PLPPR3: variants seen among roughly 807,000 people sequenced by gnomAD.
PLPPR3 encodes phospholipid phosphatase related 3, also known as phospholipid phosphatase-related protein type 3.
In PLPPR3, 14 loss-of-function variants were observed where a neutral mutation model predicts 27.3. The ratio of observed to expected loss-of-function variants is 0.51; its 90% confidence interval spans 0.34 to 0.80. The LOEUF is 0.80. Ranked by LOEUF, PLPPR3 falls within the 30% of genes least tolerant of loss-of-function variation. PLPPR3 has a pLI of 0.01. For synonymous variants in PLPPR3, 671 were observed against 508.0 expected, an observed-to-expected ratio of 1.32 and a Z score of -4.32; for missense variants, 1,287 against 1,056.9, an observed-to-expected ratio of 1.22 and a Z score of -3.02.
chr19:812,987 G>A lies in PLPPR3; in HGVS notation c.1740C>T (p.Ile580=). The change falls in exon 8 of 8, where the codon ATC becomes ATT. Residue 580 remains isoleucine (I), a synonymous_variant. Transcript: ENST00000520876. Reference sequence around the variant, plus strand: ...GCGGCGCGTGCGCGTCGATGGTCACGATGCTGGCGGAGTCGCGGTCCGACG... The same window carrying A: ...GCGGCGCGTGCGCGTCGATGGTCACAATGCTGGCGGAGTCGCGGTCCGACG... ...RSPSDRDSAS[I]VTIDAHAPHH... is the part of the protein sequence containing the mutation. The A allele has an allele frequency of 1.3e-6, 2 of 1,507,916 alleles. No homozygotes were observed. Among genetic ancestry groups the A allele is most frequent in the African/African-American group, 1.5e-5 (1 of 68,962 alleles). 93.4% of individuals were successfully genotyped at this position (1,507,916 alleles called of 1,614,324 possible).
At position 815,813 on chromosome 19, in the gene PLPPR3, G is replaced by A. The variant is rs775968619; in HGVS notation, c.114C>T (p.Phe38=). ...IVASSIVSLY[F]LELTDLFKPA... ...GCTTGAAGAGGTCGGTCAGCTCCAG[G>A]AAGTACAAGGATACGATGGAAGAAG... The change falls in exon 3 of 8, where the codon TTC becomes TTT. Residue 38 remains phenylalanine, a synonymous_variant. Coordinates refer to ENST00000520876, the MANE Select transcript of PLPPR3 (RefSeq NM_001270366.2). The A allele has an allele frequency of 2.5e-6, 4 of 1,612,794 alleles. No homozygotes were observed. The highest frequency in any genetic ancestry group is 2.2e-5 in the East Asian group (1 of 44,882).
chr19:813,833 G>GGGGGCC lies in PLPPR3; in HGVS notation c.888_893dup (p.Pro298_Ala299dup), dbSNP rs1469040766. 6.7e-6 allele frequency: 10 copies of GGGGGCC among 1,485,720 alleles called. No homozygotes were observed. The highest frequency in any genetic ancestry group is 2.6e-5 in the East Asian group (1 of 39,054). 92.0% of individuals were successfully genotyped at this position (1,485,720 alleles called of 1,614,324 possible). On this transcript the variant is annotated inframe_insertion, in exon 8 of 8. Transcript: ENST00000520876. This position sits in a 1 kb window ranked among gnomAD's most constrained non-coding sequence, Gnocchi z 4.1. Reference sequence around the variant, plus strand: ...TCAGGGCCCGCAGCGCGTCCTTGGCGGGGGCCGGGGCCGCGGGCTTCTCTG... The same window carrying GGGGGCC: ...TCAGGGCCCGCAGCGCGTCCTTGGCGGGGGCCGGGGCCGGGGCCGCGGGCTTCTCTG...
chr19:813,556 G>T lies in PLPPR3; in HGVS notation c.1171C>A (p.Arg391Ser). 6.4e-7 allele frequency: 1 copy of T among 1,560,016 alleles called. No individual in the cohort carries two copies. The highest frequency in any genetic ancestry group is 8.7e-7 in the Non-Finnish European group (1 of 1,154,378). Residue 391 changes from arginine (R) to serine (S), a missense_variant, in exon 8 of 8, where the codon CGC becomes AGC. Coordinates refer to ENST00000520876, the MANE Select transcript of PLPPR3 (RefSeq NM_001270366.2). The surrounding 1 kb of genome is among the most constrained non-coding windows in gnomAD (Gnocchi z 4.1). ...AGCGGCACGTGGATGGTCATGTGGC[G>T]GCGCGCGGGGTCGTCCAGCGAGGGC... The part of the protein sequence containing the change: ...SAPSLDDPAR[R>S]HMTIHVPLDA...
Position 813,577 on chromosome 19 carries a change from A to G in PLPPR3, c.1150T>C (p.Ser384Pro), listed in dbSNP as rs752722155. 11 of 1,555,932 alleles carry G rather than the reference A, an allele frequency of 7.1e-6. No individual in the cohort carries two copies. The East Asian group carries it at 2.6e-4, about 37-fold the overall frequency. Reference sequence around the variant, plus strand: ...TGGCGGCGCGCGGGGTCGTCCAGCGAGGGCGCGCTGGCCCTGGGCAGCGTG... The same window carrying G: ...TGGCGGCGCGCGGGGTCGTCCAGCGGGGGCGCGCTGGCCCTGGGCAGCGTG... ...SHTLPRASAP[S>P]LDDPARRHMT... Residue 384 changes from serine to proline, a missense_variant, in exon 8 of 8, where the codon TCG (serine) becomes CCG (proline). Coordinates refer to ENST00000520876, the MANE Select transcript of PLPPR3 (RefSeq NM_001270366.2). This position sits in a 1 kb window ranked among gnomAD's most constrained non-coding sequence, Gnocchi z 4.1.
At chr19:816,323 A>C in intron 2 of PLPPR3, among the ~76,000 whole-genome samples, 1 of 128,068 alleles carries the variant, frequency 7.8e-6, no homozygotes, top group Non-Finnish European at 1.6e-5. Context: ...CCAACTGTCC[A>C]TCCATCCACC....
intron 2 of PLPPR3, among the ~76,000 whole-genome samples, chr19:819,225 TC>T (rs948038658): frequency 1.3e-5 from 1 of 77,062 alleles, no homozygotes; most frequent in African/African-American, 6.9e-5. Context: ...GATCTGCCCG[TC>T]CCGGCCTCCC....
chr19:823,257 C>T (rs914102780), upstream of PLPPR3, among the ~76,000 whole-genome samples: 2 of 151,948 alleles, frequency 1.3e-5, no homozygotes, highest in African/African-American at 4.8e-5. Flanking sequence ...GCCTGGCCAA[C>T]ATGGTGAAAC....
At chr19:819,668 G>A (rs539497712) in intron 2 of PLPPR3, among the ~76,000 whole-genome samples, 1 of 152,252 alleles carries the variant, frequency 6.6e-6, no homozygotes, top group East Asian at 1.9e-4. Context: ...ATGATATTGT[G>A]TTTGGGAGGG....
At chr19:818,121 GC>G (rs1172172604) in intron 2 of PLPPR3, among the ~76,000 whole-genome samples, 2 of 152,090 alleles carry the variant, frequency 1.3e-5, no homozygotes, top group African/African-American at 4.8e-5. Context: ...GGTGGCTCAC[GC>G]CTGTCATCCC....
chr19:820,496 G>A (rs567695248), intron 2 of PLPPR3, among the ~76,000 whole-genome samples: 11 of 140,496 alleles, frequency 7.8e-5, no homozygotes, highest in African/African-American at 3.1e-4. Flanking sequence ...ACAGGGCAGG[G>A]GGCTCCATTT....
chr19:813,545 G>C lies in PLPPR3; in HGVS notation c.1182C>G (p.Thr394=). 1 of 1,562,584 alleles carries C rather than the reference G, an allele frequency of 6.4e-7. No homozygotes were observed. Among genetic ancestry groups the C allele is most frequent in the South Asian group, 1.2e-5 (1 of 85,464 alleles). Reference sequence around the variant, plus strand: ...GCGAGGCGTCCAGCGGCACGTGGATGGTCATGTGGCGGCGCGCGGGGTCGT... The same window carrying C: ...GCGAGGCGTCCAGCGGCACGTGGATCGTCATGTGGCGGCGCGCGGGGTCGT... ...SLDDPARRHM[T]IHVPLDASRS... is the part of the protein sequence containing the mutation. Residue 394 remains threonine, a synonymous_variant, in exon 8 of 8, where the codon ACC becomes ACG. Transcript: ENST00000520876. The surrounding 1 kb of genome is among the most constrained non-coding windows in gnomAD (Gnocchi z 4.1).
intron 2 of PLPPR3, among the ~76,000 whole-genome samples, chr19:818,284 A>G (rs8108446): frequency 0.6 from 91,540 of 151,824 alleles, 29,910 homozygotes; most frequent in African/African-American, 0.87. Context: ...TCCGGAGGCT[A>G]AGGTGGGAGA....
Position 814,984 on chromosome 19 carries a change from C to T in PLPPR3, c.501G>A (p.Lys167=). ...YHTPFFLTVC[K]PNYTLLGTSC... Reference sequence around the variant, plus strand: ...ACGTGCCCAGGAGAGTGTAGTTGGGCTTGCAGACGGTGAGGAAGAAGGGAG... The same window carrying T: ...ACGTGCCCAGGAGAGTGTAGTTGGGTTTGCAGACGGTGAGGAAGAAGGGAG... The change falls in exon 5 of 8, where the codon AAG becomes AAA. Residue 167 remains lysine (K), a synonymous_variant. Coordinates refer to ENST00000520876, the MANE Select transcript of PLPPR3 (RefSeq NM_001270366.2). 2 of 1,612,504 alleles carry T rather than the reference C, an allele frequency of 1.2e-6. No individual in the cohort carries two copies. Among genetic ancestry groups the T allele is most frequent in the Non-Finnish European group, 1.7e-6 (2 of 1,179,954 alleles).
intron 2 of PLPPR3, among the ~76,000 whole-genome samples, chr19:816,768 TCCATCCACCCATTCTCCAC>T (rs1568285954): frequency 6.9e-6 from 1 of 145,164 alleles, no homozygotes; most frequent in Admixed American, 6.8e-5. Flanking sequence ...CCACCCATCA[TCCATCCACCCATTCTCCAC>T]CCATGCACCC....
In PLPPR3 at chr19:815,305, A is replaced by G. The variant is rs2035034174; in HGVS notation, c.284T>C (p.Leu95Ser). The G allele has an allele frequency of 1.9e-6, 3 of 1,546,996 alleles. No homozygotes were observed. Among genetic ancestry groups the G allele is most frequent in the African/African-American group, 1.4e-5 (1 of 72,988 alleles). The stretch of plus-strand genomic sequence containing the variant: ...CCACAGCCGGGACTGCAGACAGTAC[A>G]ACATGCCCTCGGCCACCATGATCTG... ...AASIMVAEGM[L>S]YCLQSRLWGR... The change falls in exon 4 of 8, where the codon TTG becomes TCG. Residue 95 changes from leucine (L) to serine (S), a missense_variant. Leu to Ser is a moderately radical substitution (Grantham distance 145). Coordinates refer to ENST00000520876, the MANE Select transcript of PLPPR3 (RefSeq NM_001270366.2).
rs1489308427 is a variant in PLPPR3, at chr19:814,605, C to T, written c.660G>A (p.Met220Ile). Residue 220 changes from methionine to isoleucine, a missense_variant and splice_region_variant, in exon 7 of 8, where the codon ATG (methionine) becomes ATA (isoleucine). By Grantham distance (10) the Met-to-Ile change is conservative. Transcript: ENST00000520876. ...LSAFAAVYVS[M>I]YFNSVISDTT... ...TGTCCGAGATGACCGAGTTGAAGTA[C>T]ATCTGGGGCATGGGGGTTGGGGTCA... 2 of 1,611,912 alleles carry T rather than the reference C, an allele frequency of 1.2e-6. No homozygotes were observed. The highest frequency in any genetic ancestry group is 1.1e-5 in the South Asian group (1 of 91,084).
At position 814,614 on chromosome 19, in the gene PLPPR3, C is replaced by G. The variant is rs1187163044; in HGVS notation, c.658-7G>C. 6.2e-7 allele frequency: 1 copy of G among 1,611,596 alleles called. No individual in the cohort carries two copies. Among genetic ancestry groups the G allele is most frequent in the Non-Finnish European group, 8.5e-7 (1 of 1,179,976 alleles). On this transcript the variant is annotated splice_region_variant and splice_polypyrimidine_tract_variant and intron_variant, in intron 6 of 7. Coordinates refer to ENST00000520876, the MANE Select transcript of PLPPR3 (RefSeq NM_001270366.2). Reference sequence around the variant, plus strand: ...TGACCGAGTTGAAGTACATCTGGGGCATGGGGGTTGGGGTCAGGGAGGGCT... The same window carrying G: ...TGACCGAGTTGAAGTACATCTGGGGGATGGGGGTTGGGGTCAGGGAGGGCT...
intron 2 of PLPPR3, 133 bp downstream of exon 2, chr19:821,352 A>G (rs2035141214): frequency 3.5e-6 from 2 of 563,598 alleles, no homozygotes; most frequent in Admixed American, 4.4e-5. Context: ...CATCCGCCGG[A>G]CACCCCGGTC....
rs923088664 is a variant in PLPPR3, at chr19:815,824, A to T, written c.103T>A (p.Ser35Thr). ...TCGGTCAGCTCCAGGAAGTACAAGG[A>T]TACGATGGAAGAAGCCACTATGGGC... ...ELPIVASSIV[S>T]LYFLELTDLF... is the part of the protein sequence containing the mutation. The change falls in exon 3 of 8, where the codon TCC (serine) becomes ACC (threonine). Residue 35 changes from serine (S) to threonine (T), a missense_variant. Transcript: ENST00000520876. 1.1e-5 allele frequency: 18 copies of T among 1,612,566 alleles called. No individual in the cohort carries two copies. Among genetic ancestry groups the T allele is most frequent in the Non-Finnish European group, 1.5e-5 (18 of 1,179,854 alleles).
Sources: allele counts gnomAD v4.1 joint callset (sites outside exome capture counted in the v4.1 genomes callset), GRCh38; gene constraint gnomAD v4.1.1; non-coding constraint Gnocchi (gnomAD v3.1); transcripts MANE v1.5; gene names NCBI Gene and HGNC (gene_info 2026-07-23, HGNC 2026-07-21).